Variants in POLR3A observed in about 807,000 individuals in gnomAD.
POLR3A encodes DNA-directed RNA polymerase III subunit RPC1.
A neutral mutation model predicts 152.8 loss-of-function variants in POLR3A; 112 were observed. The ratio of observed to expected loss-of-function variants is 0.73; its 90% CI spans 0.63 to 0.86. The LOEUF is 0.86. Among genes scored for constraint, POLR3A ranks in the 40% least tolerant of loss-of-function variants. POLR3A has a pLI of 0.00. For synonymous variants in POLR3A, 615 were observed against 652.1 expected, an observed-to-expected ratio of 0.94 and a Z score of 0.87; for missense variants, 1,385 against 1,743.1, an observed-to-expected ratio of 0.79 and a Z score of 3.66.
At chr10:78,018,745 G>A (rs558232209) in intron 9 of POLR3A, among the ~76,000 whole-genome samples, 11 of 152,090 alleles carry the variant, frequency 7.2e-5, no homozygotes, top group Non-Finnish European at 1.2e-4. Flanking sequence ...ACCGTGCCCA[G>A]CTAATTTTTG....
intron 2 of POLR3A, 137 bp downstream of exon 2, chr10:78,025,957 A>G (rs1428252980): frequency 1.1e-5 from 14 of 1,231,598 alleles, no homozygotes; most frequent in Admixed American, 1.8e-5. Context: ...TAAAGGCCGG[A>G]GTTCTTGACC....
intron 7 of POLR3A, 47 bp downstream of exon 7, chr10:78,021,813 A>T (rs561691805): frequency 1.2e-6 from 2 of 1,612,348 alleles, no homozygotes; most frequent in Admixed American, 1.7e-5. Context: ...CTGAAAAAGG[A>T]ACCAAAGAGA....
At chr10:78,013,155 T>C in intron 11 of POLR3A, 1 of 192,942 alleles carries the variant, frequency 5.2e-6, no homozygotes, top group Non-Finnish European at 1.1e-5. Flanking sequence ...GTTATTATCA[T>C]TATGTATAAT....
chr10:78,019,220 C>G lies in POLR3A; in HGVS notation c.1231G>C (p.Gly411Arg). 6.2e-7 allele frequency: 1 copy of G among 1,614,010 alleles called. No individual in the cohort carries two copies. Residue 411 changes from glycine to arginine, a missense_variant, in exon 9 of 31, where the codon GGC becomes CGC. Coordinates refer to ENST00000372371, the MANE Select transcript of POLR3A (RefSeq NM_007055.4). ...INFLRKLVQNGPEVHPGANFI... is the reference protein window; with the variant it reads ...INFLRKLVQNRPEVHPGANFI... The stretch of plus-strand genomic sequence containing the variant: ...TTTGCTCCTGGGTGAACCTCAGGGC[C>G]GTTTTGAACCAGTTTCCTCAAGAAA...
At chr10:77,992,863 TA>T (rs1003093468) in intron 20 of POLR3A, among the ~76,000 whole-genome samples, 118 of 142,748 alleles carry the variant, frequency 8.3e-4, no homozygotes, top group Middle Eastern at 3.6e-3. Context: ...TATTGGAAAG[TA>T]AAAAAAAAAA....
intron 15 of POLR3A, among the ~76,000 whole-genome samples, chr10:78,006,372 G>A (rs935081037): frequency 7.2e-6 from 1 of 139,164 alleles, no homozygotes; most frequent in African/African-American, 2.8e-5. Flanking sequence ...ACTCCAGCCT[G>A]GCGACTGAGC....
At chr10:78,028,880 G>T (rs1226208805) in intron 1 of POLR3A, among the ~76,000 whole-genome samples, 1 of 152,022 alleles carries the variant, frequency 6.6e-6, no homozygotes, top group Non-Finnish European at 1.5e-5. Flanking sequence ...AGTCCGGATA[G>T]CAGCTTTATT....
intron 26 of POLR3A, among the ~76,000 whole-genome samples, chr10:77,983,528 C>T (rs1847168958): frequency 6.6e-6 from 1 of 152,180 alleles, no homozygotes; most frequent in African/African-American, 2.4e-5. Context: ...ATCTCCCCAT[C>T]TAAACACATT....
At chr10:77,983,665 G>A (rs575683534) in intron 26 of POLR3A, among the ~76,000 whole-genome samples, 145 of 152,246 alleles carry the variant, frequency 9.5e-4, no homozygotes, top group African/African-American at 3.4e-3. Flanking sequence ...TCATAATACC[G>A]TGTCACAGTG....
rs1847101441 is a variant in POLR3A, at chr10:77,977,556, C to T, written c.4095G>A (p.Lys1365=). The change falls in exon 31 of 31, where the codon AAG becomes AAA. Residue 1365 remains lysine (K), a synonymous_variant. Coordinates refer to ENST00000372371, the MANE Select transcript of POLR3A (RefSeq NM_007055.4). ...IGTGLFKLLH[K]ADRDPNPPKR... ...TGGGAGGGTTCGGGTCCCTGTCAGCCTTGTGAAGCAGCTTGAAGAGCCCGG... is the reference window on the plus strand; with the variant it reads ...TGGGAGGGTTCGGGTCCCTGTCAGCTTTGTGAAGCAGCTTGAAGAGCCCGG... 6.2e-7 allele frequency: 1 copy of T among 1,613,892 alleles called. No homozygotes were observed. The highest frequency in any genetic ancestry group is 8.5e-7 in the Non-Finnish European group (1 of 1,179,954).
intron 20 of POLR3A, among the ~76,000 whole-genome samples, chr10:77,992,438 CTTTTTTTTTTTTTTT>C (rs71030926): frequency 1.3e-5 from 1 of 76,540 alleles, no homozygotes; most frequent in Non-Finnish European, 2.4e-5. Flanking sequence ...CTGGCTAATT[CTTTTTTTTTTTTTTT>C]TTTTTTTTGA....
Position 78,009,883 on chromosome 10 carries a change from G to A in POLR3A, c.1751C>T (p.Pro584Leu). 6.2e-7 allele frequency: 1 copy of A among 1,614,082 alleles called. No homozygotes were observed. ...ACACACCTTTAGGATTGTAGGCGGT[G>A]GGAGGCGAACTTTAATTTTCTCATC... is the stretch of plus-strand genomic sequence containing the variant. Reference protein sequence around the residue: ...GKDEKIKVRLPPPTILKPVTL... With the variant: ...GKDEKIKVRLLPPTILKPVTL... Residue 584 changes from proline to leucine, a missense_variant, in exon 13 of 31, where the codon CCA (proline) becomes CTA (leucine). Physicochemically the swap from Pro to Leu is moderately conservative, Grantham distance 98. This residue lies in a region of POLR3A where 188 missense variants were observed against 179.9 expected (regional missense o/e 1.04). Transcript: ENST00000372371.
Position 77,976,940 on chromosome 10 carries a change from A to G in POLR3A, c.*538T>C, listed in dbSNP as rs2131922675. ...TTTCTATAGATGCTTGGTTTCAAAA[A>G]TAAAACTAAAATAACAAAAATTCCA... On this transcript the variant is annotated 3_prime_UTR_variant, in exon 31 of 31. Coordinates refer to ENST00000372371, the MANE Select transcript of POLR3A (RefSeq NM_007055.4). The G allele has an allele frequency of 6.4e-6, 1 of 155,168 alleles. No homozygotes were observed. Among genetic ancestry groups the G allele is most frequent in the East Asian group, 1.9e-4 (1 of 5,282 alleles). 9.6% of individuals were successfully genotyped at this position (155,168 alleles called of 1,614,324 possible).
intron 28 of POLR3A, 116 bp from the exon 29 acceptor site, chr10:77,981,675 A>G (rs950636705): frequency 7.9e-5 from 103 of 1,308,330 alleles, no homozygotes; most frequent in Non-Finnish European, 1.0e-4. Context: ...TTTTCCAGAA[A>G]TGGATTGCTG....
chr10:77,983,942 C>A lies in POLR3A; in HGVS notation c.3407G>T (p.Arg1136Leu), dbSNP rs763270865. The A allele has an allele frequency of 6.2e-7, 1 of 1,609,898 alleles. No individual in the cohort carries two copies. Among genetic ancestry groups the A allele is most frequent in the Admixed American group, 1.7e-5 (1 of 60,022 alleles). ...CACTTCCAGTCTCAGAAGCCTAATC[C>A]GTTCCAGGGAGAGCTTGACGAGAAT... Reference protein sequence around the residue: ...CFILVKLSLERIRLLRLEVNA... With the variant: ...CFILVKLSLELIRLLRLEVNA... Residue 1136 changes from arginine to leucine, a missense_variant, in exon 26 of 31, where the codon CGG (arginine) becomes CTG (leucine). Arg to Leu is a moderately radical substitution (Grantham distance 102, BLOSUM62 -2). Around this residue, in one of 7 missense-constraint regions of POLR3A, gnomAD observed 332 missense variants for 400.1 expected, o/e 0.83. Coordinates refer to ENST00000372371, the MANE Select transcript of POLR3A (RefSeq NM_007055.4).
intron 9 of POLR3A, among the ~76,000 whole-genome samples, chr10:78,018,661 C>A (rs1025751443): frequency 7.2e-5 from 11 of 152,126 alleles, no homozygotes; most frequent in African/African-American, 2.7e-4. Flanking sequence ...CAGCTCACTG[C>A]AACCTCTGCC....
Position 77,993,503 on chromosome 10 carries a change from A to C in POLR3A, c.2617-136T>G. ...AAAAATACTTTATTAGAAACCCTTT[A>C]AAAAGAGTCCTCTCACCCCAAGAAC... On this transcript the variant is annotated intron_variant, in intron 19 of 30. Transcript: ENST00000372371. 3.1e-5 allele frequency: 22 copies of C among 714,568 alleles called. No individual in the cohort carries two copies. In the South Asian group the frequency reaches 3.1e-4, roughly 10 times the overall value. 44.3% of individuals were successfully genotyped at this position (714,568 alleles called of 1,614,324 possible).
chr10:77,993,087 T>A (rs1847264630), intron 20 of POLR3A, 110 bp downstream of exon 20: 4 of 859,750 alleles, frequency 4.7e-6, no homozygotes, highest in Non-Finnish European at 8.0e-6. Context: ...TGCTTGGGAT[T>A]ATAAATACTG....
intron 25 of POLR3A, 62 bp from the exon 26 acceptor site, chr10:77,984,074 C>T: frequency 1.5e-6 from 2 of 1,362,080 alleles, no homozygotes; most frequent in Non-Finnish European, 1.0e-6. Context: ...GAGCACACGA[C>T]TGCTTGCTTT....
Sources: gnomAD v4.1 joint callset for allele counts (sites outside exome capture counted in the v4.1 genomes callset) on GRCh38, gnomAD v4.1.1 for gene constraint, gnomAD v4.1.1 regional missense constraint, MANE v1.5 for transcripts, NCBI Gene and HGNC (gene_info 2026-07-23, HGNC 2026-07-21) for gene names.